NUP37: variants seen among roughly 807,000 people sequenced by gnomAD.
NUP37 encodes nucleoporin 37.
In NUP37, 33 loss-of-function variants were observed where a neutral mutation model predicts 45.4. The ratio of observed to expected loss-of-function variants is 0.73; its 90% CI spans 0.55 to 0.97. The LOEUF is 0.97. Ranked by LOEUF, NUP37 falls within the 50% of genes least tolerant of loss-of-function variation. The pLI, the probability that NUP37 is intolerant of heterozygous loss-of-function variation, is 0.00. For synonymous variants in NUP37, 127 were observed against 130.7 expected (o/e 0.97, Z 0.19); for missense variants, 365 against 389.7 (o/e 0.94, Z 0.53).
intron 3 of NUP37, among the ~76,000 whole-genome samples, chr12:102,111,033 T>C (rs1880300216): frequency 6.6e-6 from 1 of 152,062 alleles, no homozygotes; most frequent in Admixed American, 6.5e-5. Flanking sequence ...CAGCAAAAAA[T>C]AATAACTAAA....
At position 102,099,176 on chromosome 12, in the gene NUP37, T is replaced by C. The variant is rs781208329; in HGVS notation, c.379A>G (p.Ile127Val). Residue 127 changes from isoleucine to valine, a missense_variant, in exon 5 of 10, where the codon ATT becomes GTT. Transcript: ENST00000552283. ...TTGGGATCAAACACCAAACCATTAA[T>C]GAAATCGGTATGGCCCTCTAAAACC... The part of the protein sequence containing the change: ...YKVLEGHTDF[I>V]NGLVFDPKEG... 1.9e-6 allele frequency: 3 copies of C among 1,613,478 alleles called. No individual in the cohort carries two copies. The highest frequency in any genetic ancestry group is 3.3e-5 in the Admixed American group (2 of 60,014).
Position 102,077,495 on chromosome 12 carries a change from A to G in NUP37, c.549T>C (p.Val183=). 1 of 1,612,530 alleles carries G rather than the reference A, an allele frequency of 6.2e-7. No homozygotes were observed. The highest frequency in any genetic ancestry group is 8.5e-7 in the Non-Finnish European group (1 of 1,179,728). Residue 183 remains valine, a synonymous_variant, in exon 7 of 10, where the codon GTT becomes GTC. Transcript: ENST00000552283. The stretch of plus-strand genomic sequence containing the variant: ...ACCGGATTGTTCCATTCTTCTCTGC[A>G]ACCATTAGCTGTAAGACAGAAAAAT... The part of the protein sequence containing the change: ...WHPEETFKLM[V]AEKNGTIRFY...
chr12:102,089,003 T>G (rs1879560888), intron 5 of NUP37, among the ~76,000 whole-genome samples: 1 of 152,054 alleles, frequency 6.6e-6, no homozygotes, highest in African/African-American at 2.4e-5. Flanking sequence ...ACACAGCACG[T>G]TTCAGAGAGC....
chr12:102,097,344 T>C (rs1391892771), intron 5 of NUP37, among the ~76,000 whole-genome samples: 3 of 152,202 alleles, frequency 2.0e-5, no homozygotes, highest in Non-Finnish European at 2.9e-5. Flanking sequence ...GTCAGGTTTT[T>C]AAAAAATTAA....
chr12:102,099,990 A>C lies in NUP37; in HGVS notation c.355-790T>G, dbSNP rs139155937. 6.8e-3 allele frequency among the ~76,000 whole-genome samples: 1,041 copies of C among 152,226 alleles called. 13 individuals are homozygous for C. The highest frequency in any genetic ancestry group is 0.024 in the African/African-American group (998 of 41,538). ...GTAGAAATGTAATATTAAAAAAAAA[A>C]CAAAAAACAAAAAGATTTGGGTCAA... On this transcript the variant is annotated intron_variant, in intron 4 of 9. Transcript: ENST00000552283.
chr12:102,097,101 C>T (rs866585261), intron 5 of NUP37, among the ~76,000 whole-genome samples: 2 of 152,028 alleles, frequency 1.3e-5, no homozygotes, highest in Non-Finnish European at 2.9e-5. Flanking sequence ...CTAGGACATG[C>T]TCATCTCATA....
chr12:102,082,240 CT>C (rs201208592), intron 6 of NUP37, among the ~76,000 whole-genome samples: 1 of 151,962 alleles, frequency 6.6e-6, no homozygotes, highest in Non-Finnish European at 1.5e-5. Flanking sequence ...GATCTTACGG[CT>C]TTTTTTATGG....
intron 4 of NUP37, 112 bp downstream of exon 4, chr12:102,100,920 T>C (rs1447430749): frequency 6.4e-6 from 4 of 626,628 alleles, no homozygotes; most frequent in South Asian, 4.0e-5. Flanking sequence ...AATTATATAC[T>C]TTAATGATGA....
chr12:102,087,133 C>T (rs1429655018), intron 5 of NUP37, among the ~76,000 whole-genome samples: 3 of 152,154 alleles, frequency 2.0e-5, no homozygotes, highest in African/African-American at 7.2e-5. Context: ...AAAAAAAGGA[C>T]TGAATTCATT....
At chr12:102,112,421 A>G (rs760886383) in intron 2 of NUP37, among the ~76,000 whole-genome samples, 189 bp from the exon 3 acceptor site, 2 of 152,224 alleles carry the variant, frequency 1.3e-5, no homozygotes, top group Non-Finnish European at 2.9e-5. Flanking sequence ...GCCTCACAAA[A>G]TAACTCTCTA....
intron 3 of NUP37, among the ~76,000 whole-genome samples, chr12:102,107,234 T>G (rs1046767492): frequency 6.6e-6 from 1 of 152,078 alleles, no homozygotes; most frequent in African/African-American, 2.4e-5. Context: ...GGCAACACGT[T>G]AAGAAAAAAA....
At chr12:102,094,987 T>C (rs1021857792) in intron 5 of NUP37, among the ~76,000 whole-genome samples, 3 of 152,068 alleles carry the variant, frequency 2.0e-5, no homozygotes, top group Non-Finnish European at 4.4e-5. Context: ...ACTACTGATA[T>C]CCTTTGTAGT....
At chr12:102,088,369 A>C (rs1879531001) in intron 5 of NUP37, among the ~76,000 whole-genome samples, 1 of 152,144 alleles carries the variant, frequency 6.6e-6, no homozygotes, top group Non-Finnish European at 1.5e-5. Flanking sequence ...TACCATATAT[A>C]ATAAAAATAC....
intron 5 of NUP37, among the ~76,000 whole-genome samples, chr12:102,097,239 T>C (rs2136735734): frequency 6.6e-6 from 1 of 152,112 alleles, no homozygotes; most frequent in Admixed American, 6.5e-5. Flanking sequence ...GATGGGAAAA[T>C]CTCCTTTCAT....
intron 6 of NUP37, among the ~76,000 whole-genome samples, chr12:102,078,765 A>G (rs1295868815): frequency 6.6e-6 from 1 of 152,232 alleles, no homozygotes; most frequent in East Asian, 1.9e-4. Context: ...AATAGTAGCT[A>G]TTACTTCACT....
chr12:102,084,012 G>A (rs1386704749), intron 6 of NUP37, among the ~76,000 whole-genome samples: 1 of 152,200 alleles, frequency 6.6e-6, no homozygotes, highest in Non-Finnish European at 1.5e-5. Context: ...GAAATAAAAG[G>A]TGTGATGAAG....
At chr12:102,101,152 G>T (rs750860673) in intron 3 of NUP37, 48 bp from the exon 4 acceptor site, 2 of 1,063,950 alleles carry the variant, frequency 1.9e-6, no homozygotes, top group South Asian at 1.5e-5. Flanking sequence ...CTTTGTAAGT[G>T]AAAGGTCTCC....
At chr12:102,075,716 T>C (rs1343038760) in intron 8 of NUP37, among the ~76,000 whole-genome samples, 3 of 151,832 alleles carry the variant, frequency 2.0e-5, no homozygotes, top group African/African-American at 7.3e-5. Context: ...AAGAAACAAA[T>C]AAGGCATCAA....
chr12:102,112,487 T>C (rs970922037), intron 2 of NUP37, among the ~76,000 whole-genome samples: 1 of 152,160 alleles, frequency 6.6e-6, no homozygotes, highest in Non-Finnish European at 1.5e-5. Context: ...AGGCATTTCA[T>C]AATAAGTTCA....
Sources: gnomAD v4.1 joint callset for allele counts (sites outside exome capture counted in the v4.1 genomes callset) on GRCh38, gnomAD v4.1.1 for gene constraint, MANE v1.5 for transcripts, NCBI Gene and HGNC (gene_info 2026-07-23, HGNC 2026-07-21) for gene names.